RUFY4: variants seen among roughly 807,000 people sequenced by gnomAD.
The protein encoded by RUFY4 is RUN and FYVE domain-containing protein 4.
RUFY4 carries 73 observed loss-of-function variants against 69.0 expected under a neutral mutation model. That is an observed-to-expected ratio of 1.06 (90% CI 0.88 to 1.29). The LOEUF is 1.29. Ranked by LOEUF, RUFY4 falls within the 50% of genes most tolerant of loss-of-function variation. The pLI, the probability that RUFY4 is intolerant of heterozygous loss-of-function variation, is 0.00. For synonymous variants in RUFY4, 287 were observed against 271.8 expected (o/e 1.06, Z -0.55); for missense variants, 770 against 705.6 (o/e 1.09, Z -1.03).
chr2:218,090,113 C>A, exon 11 of RUFY4: 2 of 1,049,634 alleles, frequency 1.9e-6, no homozygotes, highest in Non-Finnish European at 2.8e-6. Context: ...CCACTCAATC[C>A]ACTCCCTGCC....
chr2:218,089,484 A>G, intron 10 of RUFY4, 122 bp downstream of exon 12: 1 of 729,616 alleles, frequency 1.4e-6, no homozygotes, highest in Non-Finnish European at 2.3e-6. Context: ...GGCCACTTAC[A>G]GCTGACTACT....
intron 8 of RUFY4, among the ~76,000 whole-genome samples, chr2:218,080,126 G>T (rs1176977131): frequency 6.6e-6 from 1 of 152,224 alleles, no homozygotes; most frequent in East Asian, 1.9e-4. Flanking sequence ...GATGCATACG[G>T]GGTGTGGCTG....
At chr2:218,043,106 G>A (rs1688739453) in intron 2 of RUFY4, among the ~76,000 whole-genome samples, 1 of 150,886 alleles carries the variant, frequency 6.6e-6, no homozygotes, top group South Asian at 2.1e-4. Flanking sequence ...CAGCTCGGAG[G>A]AGACCTGCAG....
chr2:218,050,276 C>T (rs74647283), intron 2 of RUFY4, among the ~76,000 whole-genome samples: 1,597 of 152,292 alleles, frequency 0.01, 29 homozygotes, highest in African/African-American at 0.036. Flanking sequence ...CTTACTCACT[C>T]TCCAGTGTCC....
chr2:218,078,525 C>G (rs1448016070), intron 8 of RUFY4, among the ~76,000 whole-genome samples: 3 of 152,066 alleles, frequency 2.0e-5, no homozygotes, highest in African/African-American at 7.2e-5. Context: ...TTAGGGAGAG[C>G]CTGCGAGGTC....
intron 2 of RUFY4, among the ~76,000 whole-genome samples, chr2:218,053,188 A>G (rs531361159): frequency 1.3e-5 from 2 of 152,300 alleles, no homozygotes; most frequent in African/African-American, 4.8e-5. Flanking sequence ...TCCCTAAAAT[A>G]GAATTCTAAC....
intron 3 of RUFY4, chr2:218,061,497 T>C (rs1255028415): frequency 6.0e-6 from 1 of 167,000 alleles, no homozygotes; most frequent in Non-Finnish European, 1.3e-5. Flanking sequence ...TGCCTATCCA[T>C]CCAAGAAACT....
chr2:218,069,736 C>G (rs556409420), upstream of RUFY4, among the ~76,000 whole-genome samples: 134 of 152,194 alleles, frequency 8.8e-4, no homozygotes, highest in Middle Eastern at 0.014. Context: ...CCACTGCCAC[C>G]CCACCCCAAA....
intron 3 of RUFY4, chr2:218,060,289 CT>C: frequency 6.8e-7 from 1 of 1,464,610 alleles, no homozygotes; most frequent in Non-Finnish European, 9.2e-7. Context: ...TGGAATGTGA[CT>C]GTGAAGAGAA....
In RUFY4 at chr2:218,083,237, C is replaced by A. The variant is rs771202517; in HGVS notation, c.1483C>A (p.Arg495=). ...GGACTTGGTCCAGGCCATGAAGAGG[C>A]GGGTGTTGGAACTGATCCAGTAAGG... Residue 495 remains arginine (R), a synonymous_variant, in exon 9 of 11, where the codon CGG becomes AGG. Transcript: ENST00000344321. 15 of 1,609,328 alleles carry A rather than the reference C, an allele frequency of 9.3e-6. No homozygotes were observed. In the African/African-American group the frequency reaches 1.6e-4, roughly 17 times the overall value.
intron 2 of RUFY4, among the ~76,000 whole-genome samples, chr2:218,039,763 G>T (rs1002858405): frequency 3.3e-5 from 5 of 152,324 alleles, no homozygotes; most frequent in Admixed American, 6.5e-5. Flanking sequence ...CCAGACTCTG[G>T]GAGTGGCCTA....
At chr2:218,057,469 T>A (rs966487901) in intron 2 of RUFY4, among the ~76,000 whole-genome samples, 1 of 152,252 alleles carries the variant, frequency 6.6e-6, no homozygotes, top group Non-Finnish European at 1.5e-5. Flanking sequence ...ACATTATTTC[T>A]TGAAGAACTT....
At chr2:218,060,221 G>A (rs1323900540) in intron 3 of RUFY4, 11 of 969,950 alleles carry the variant, frequency 1.1e-5, no homozygotes, top group African/African-American at 3.2e-5. Flanking sequence ...TGCTTCCTGC[G>A]ACCACAGTGG....
rs1431497147 is a variant in RUFY4, at chr2:218,072,585, A to T, written c.279+86A>T. 2.0e-6 allele frequency: 3 copies of T among 1,494,644 alleles called. No individual in the cohort carries two copies. The African/African-American group carries it at 4.2e-5, about 21-fold the overall frequency. The allele number at this position is 1,494,644 out of a possible 1,614,324, so 92.6% of individuals were successfully genotyped here. A position where few individuals can be genotyped will look rare whatever the true frequency, so the allele number is the denominator to read the frequency against. On this transcript the variant is annotated intron_variant, in intron 3 of 10. Transcript: ENST00000344321. ...TTTCCCCCACCCTGCTCTACCGACC[A>T]TAGACCCCTCACCTGCTCTGCATGT...
At position 218,053,803 on chromosome 2, in the gene RUFY4, C is replaced by T. The variant is rs145527601; in HGVS notation, c.-1157-4792C>T. On this transcript the variant is annotated intron_variant and NMD_transcript_variant, in intron 2 of 13. Transcript: ENST00000457754. ...GTGAGCCACCGCGCCCAGCCGCACC[C>T]GGCTAATTTTTGTAATTTTTTTGTG... Among the ~76,000 whole-genome samples, 995 of 152,276 alleles carry T rather than the reference C, an allele frequency of 6.5e-3. 6 individuals are homozygous for T. Among genetic ancestry groups the T allele is most frequent in the Non-Finnish European group, 8.1e-3 (548 of 68,030 alleles).
At chr2:218,051,874 T>C (rs1199148207) in intron 2 of RUFY4, among the ~76,000 whole-genome samples, 1 of 152,194 alleles carries the variant, frequency 6.6e-6, no homozygotes, top group Non-Finnish European at 1.5e-5. Context: ...TACAGGAGGT[T>C]TGGGGTTTAA....
chr2:218,045,111 T>C (rs1304307651), intron 2 of RUFY4, among the ~76,000 whole-genome samples: 1 of 152,188 alleles, frequency 6.6e-6, no homozygotes, highest in Non-Finnish European at 1.5e-5. Context: ...GCATCTGTTG[T>C]TTTTTGACTT....
At chr2:218,046,995 A>T (rs886205804) in intron 2 of RUFY4, among the ~76,000 whole-genome samples, 7 of 152,002 alleles carry the variant, frequency 4.6e-5, no homozygotes, top group Non-Finnish European at 1.0e-4. Context: ...AACAATACCA[A>T]AGTGACAATG....
rs151062463 is a variant in RUFY4, at chr2:218,046,710, T to C, written c.-1158+11316T>C. On this transcript the variant is annotated intron_variant and NMD_transcript_variant, in intron 2 of 13. Transcript: ENST00000457754. ...ATACAATTTCTAGAACACTCATCAA[T>C]GACAAATATAACTTAGAGAAAGTTC... Among the ~76,000 whole-genome samples the C allele has an allele frequency of 9.4e-3, 1,425 of 152,330 alleles. 32 individuals are homozygous for C. The highest frequency in any genetic ancestry group is 0.033 in the African/African-American group (1,358 of 41,574).
Sources: gnomAD v4.1 joint callset for allele counts (sites outside exome capture counted in the v4.1 genomes callset) on GRCh38, gnomAD v4.1.1 for gene constraint, MANE v1.5 for transcripts, NCBI Gene and HGNC (gene_info 2026-07-23, HGNC 2026-07-21) for gene names.